Variants in PTPRK observed in about 807,000 individuals in gnomAD.
PTPRK encodes the protein receptor-type tyrosine-protein phosphatase kappa.
A neutral mutation model predicts 178.0 loss-of-function variants in PTPRK; 75 were observed. The ratio of observed to expected loss-of-function variants is 0.42; its 90% CI spans 0.35 to 0.51. The LOEUF is 0.51. PTPRK is among the 20% of genes least tolerant of loss of function. PTPRK has a pLI of 0.02. For missense variants in PTPRK, 1,441 were observed against 1,797.8 expected (o/e 0.80, Z 3.59); for synonymous variants, 637 against 620.6 (o/e 1.03, Z -0.39).
At chr6:128,307,960 T>C (rs557423723) in intron 3 of PTPRK, among the ~76,000 whole-genome samples, 2 of 152,286 alleles carry the variant, frequency 1.3e-5, no homozygotes, top group South Asian at 2.1e-4. Flanking sequence ...CATACACATG[T>C]ACATGAATGC....
chr6:128,001,814 T>C (rs995986144), intron 15 of PTPRK, among the ~76,000 whole-genome samples: 11 of 151,956 alleles, frequency 7.2e-5, no homozygotes, highest in African/African-American at 2.4e-4. Flanking sequence ...AAGGAAACTT[T>C]TAACATTTAG....
intron 13 of PTPRK, among the ~76,000 whole-genome samples, chr6:128,020,366 C>G (rs1773315173): frequency 6.6e-6 from 1 of 152,050 alleles, no homozygotes; most frequent in Non-Finnish European, 1.5e-5. Flanking sequence ...CTAAACCTGA[C>G]CCAAAATGAA....
At chr6:128,273,067 G>A (rs1208246158) in intron 3 of PTPRK, among the ~76,000 whole-genome samples, 1 of 152,162 alleles carries the variant, frequency 6.6e-6, no homozygotes, top group Admixed American at 6.5e-5. Flanking sequence ...TAGGGACATG[G>A]ATGAAGCTAG....
chr6:128,148,399 G>A (rs1275737393), intron 7 of PTPRK, among the ~76,000 whole-genome samples: 1 of 152,086 alleles, frequency 6.6e-6, no homozygotes, highest in Non-Finnish European at 1.5e-5. Flanking sequence ...AAAGCATTAT[G>A]AAATTCCAGA....
chr6:128,349,696 A>C (rs1832869619), intron 2 of PTPRK, among the ~76,000 whole-genome samples: 1 of 152,194 alleles, frequency 6.6e-6, no homozygotes, highest in Non-Finnish European at 1.5e-5. Flanking sequence ...AAATACATGA[A>C]AAATTTTGAT....
chr6:128,270,938 T>C (rs1459739784), intron 3 of PTPRK, among the ~76,000 whole-genome samples: 5 of 151,988 alleles, frequency 3.3e-5, no homozygotes, highest in African/African-American at 1.2e-4. Context: ...CAGAACTGGA[T>C]AGCTAAGGTC....
intron 27 of PTPRK, among the ~76,000 whole-genome samples, 198 bp downstream of exon 27, chr6:127,976,459 C>G (rs3901020): frequency 0.18 from 27,282 of 152,010 alleles, 2,909 homozygotes; most frequent in African/African-American, 0.3. Flanking sequence ...AGTGACTGAC[C>G]GAAAAACCTA....
At chr6:128,398,637 T>G (rs1265297941) in intron 1 of PTPRK, among the ~76,000 whole-genome samples, 1 of 152,214 alleles carries the variant, frequency 6.6e-6, no homozygotes, top group Non-Finnish European at 1.5e-5. Flanking sequence ...TAATAGCCAA[T>G]GAAACATAAA....
At chr6:128,277,938 TC>T (rs1562190275) in intron 3 of PTPRK, among the ~76,000 whole-genome samples, 1 of 152,000 alleles carries the variant, frequency 6.6e-6, no homozygotes, top group East Asian at 1.9e-4. Flanking sequence ...ACAAATACAG[TC>T]CAAATATTTT....
intron 1 of PTPRK, among the ~76,000 whole-genome samples, chr6:128,463,082 C>T (rs1849290503): frequency 6.6e-6 from 1 of 151,940 alleles, no homozygotes; most frequent in Admixed American, 6.6e-5. Flanking sequence ...ATCAAGGGGA[C>T]TATAAAAAAG....
chr6:128,261,173 GA>G (rs1302408253), intron 3 of PTPRK, among the ~76,000 whole-genome samples: 10 of 151,880 alleles, frequency 6.6e-5, no homozygotes, highest in Admixed American at 6.6e-4. Context: ...TTTCAAAAAA[GA>G]AAAACCCATC....
At chr6:128,166,934 T>C (rs1032697310) in intron 7 of PTPRK, among the ~76,000 whole-genome samples, 6 of 151,758 alleles carry the variant, frequency 4.0e-5, no homozygotes, top group African/African-American at 1.4e-4. Context: ...AACATTGATA[T>C]TACGTTTTCT....
chr6:128,510,104 G>A (rs1856951162), intron 1 of PTPRK, among the ~76,000 whole-genome samples: 1 of 152,126 alleles, frequency 6.6e-6, no homozygotes, highest in Non-Finnish European at 1.5e-5. Flanking sequence ...ACGAAAACAA[G>A]CCTCCAGTGA....
chr6:128,120,373 C>T (rs147940033), intron 7 of PTPRK, among the ~76,000 whole-genome samples: 17 of 152,052 alleles, frequency 1.1e-4, no homozygotes, highest in South Asian at 4.1e-4. Context: ...CAATCTAAAA[C>T]GAGAGTATCA....
At chr6:128,119,063 A>T (rs914913534) in intron 7 of PTPRK, among the ~76,000 whole-genome samples, 27 of 152,312 alleles carry the variant, frequency 1.8e-4, no homozygotes, top group African/African-American at 6.5e-4. Context: ...CCAGGTGAAG[A>T]TACTAAGTGA....
chr6:128,038,771 A>G (rs1776664133), intron 13 of PTPRK, among the ~76,000 whole-genome samples: 4 of 152,194 alleles, frequency 2.6e-5, no homozygotes, highest in Admixed American at 2.6e-4. Flanking sequence ...AAAATGCACC[A>G]CACAAGTTGA....
intron 7 of PTPRK, among the ~76,000 whole-genome samples, chr6:128,123,559 C>T (rs923303252): frequency 3.3e-5 from 5 of 152,152 alleles, no homozygotes; most frequent in Admixed American, 6.5e-5. Flanking sequence ...TAGCATTTTA[C>T]ATTAACATGG....
At chr6:128,215,237 T>C (rs1434426189) in intron 6 of PTPRK, among the ~76,000 whole-genome samples, 2 of 152,166 alleles carry the variant, frequency 1.3e-5, no homozygotes, top group African/African-American at 4.8e-5. Context: ...TGGTTCGAGA[T>C]GTAAGTGGGT....
intron 19 of PTPRK, among the ~76,000 whole-genome samples, chr6:127,992,221 ATC>A (rs1776690804): frequency 6.6e-6 from 1 of 151,740 alleles, no homozygotes; most frequent in East Asian, 1.9e-4. Flanking sequence ...ACTAAATTCC[ATC>A]TCTTTGTTTT....
Sources: gnomAD v4.1 joint callset for allele counts (sites outside exome capture counted in the v4.1 genomes callset) on GRCh38, gnomAD v4.1.1 for gene constraint, MANE v1.5 for transcripts, NCBI Gene and HGNC (gene_info 2026-07-23, HGNC 2026-07-21) for gene names.